The following MAGI2 variants were observed in gnomAD, a reference collection of about 807,000 sequenced individuals.
The protein encoded by MAGI2 is membrane-associated guanylate kinase, WW and PDZ domain-containing protein 2.
Under a neutral mutation model 133.3 loss-of-function variants are expected in MAGI2, and 35 were observed. That is an observed-to-expected ratio of 0.26 (90% CI 0.20 to 0.35). MAGI2 has a LOEUF of 0.35. Among genes scored for constraint, MAGI2 ranks in the 10% least tolerant of loss-of-function variants. The pLI, the probability that MAGI2 is intolerant of heterozygous loss-of-function variation, is 1.00. For missense variants in MAGI2, 1,636 were observed against 1,863.4 expected, an observed-to-expected ratio of 0.88 and a Z score of 2.25; for synonymous variants, 729 against 710.6, an observed-to-expected ratio of 1.03 and a Z score of -0.41.
intron 9 of MAGI2, among the ~76,000 whole-genome samples, chr7:78,290,889 G>A (rs569606648): frequency 1.7e-4 from 26 of 152,300 alleles, no homozygotes; most frequent in East Asian, 9.6e-4. Flanking sequence ...TGAAACCAAT[G>A]AGAACAAAGA....
chr7:78,460,460 T>C (rs1018463806), intron 6 of MAGI2, among the ~76,000 whole-genome samples: 1 of 152,184 alleles, frequency 6.6e-6, no homozygotes, highest in African/African-American at 2.4e-5. Context: ...TGTGGCAAAA[T>C]ATTGCCATTT....
intron 1 of MAGI2, chr7:79,030,347 A>T (rs1349060651): frequency 6.6e-6 from 1 of 152,208 alleles, no homozygotes; most frequent in Non-Finnish European, 1.5e-5. Flanking sequence ...CATAAAATAA[A>T]ACAAACAAAC....
intron 2 of MAGI2, among the ~76,000 whole-genome samples, chr7:78,656,620 A>G (rs1812309510): frequency 6.6e-6 from 1 of 152,208 alleles, no homozygotes; most frequent in East Asian, 1.9e-4. Flanking sequence ...GTACAGCATG[A>G]GAACTAATTT....
At chr7:79,212,035 G>A (rs1163064817) in intron 1 of MAGI2, among the ~76,000 whole-genome samples, 3 of 151,962 alleles carry the variant, frequency 2.0e-5, no homozygotes, top group African/African-American at 7.3e-5. Flanking sequence ...AAACTCTCTG[G>A]ACTTCTTCCA....
At chr7:78,076,646 A>G (rs13240059) in intron 21 of MAGI2, among the ~76,000 whole-genome samples, 1 of 150,446 alleles carries the variant, frequency 6.6e-6, no homozygotes, top group Non-Finnish European at 1.5e-5. Flanking sequence ...GGAGATCGAG[A>G]CCATCCTGGC....
At chr7:78,776,150 T>A (rs534822860) in intron 2 of MAGI2, among the ~76,000 whole-genome samples, 1 of 152,370 alleles carries the variant, frequency 6.6e-6, no homozygotes, top group East Asian at 1.9e-4. Context: ...AACTATTATG[T>A]TCTCATTAAG....
At chr7:78,737,999 A>G (rs1267363368) in intron 2 of MAGI2, among the ~76,000 whole-genome samples, 4 of 152,152 alleles carry the variant, frequency 2.6e-5, no homozygotes, top group South Asian at 2.1e-4. Flanking sequence ...ACATTTCATT[A>G]CAAATAAATT....
intron 6 of MAGI2, among the ~76,000 whole-genome samples, chr7:78,465,229 G>T (rs1175263614): frequency 6.6e-6 from 1 of 152,190 alleles, no homozygotes; most frequent in Non-Finnish European, 1.5e-5. Context: ...ACTGATATGA[G>T]CAGGTGTCTG....
intron 1 of MAGI2, among the ~76,000 whole-genome samples, chr7:79,308,245 G>A (rs1292680975): frequency 1.3e-5 from 2 of 152,078 alleles, no homozygotes; most frequent in Non-Finnish European, 2.9e-5. Flanking sequence ...AAATATTGAC[G>A]TTGCCAACAC....
At chr7:79,400,740 T>C (rs1460444180) in intron 1 of MAGI2, among the ~76,000 whole-genome samples, 1 of 152,176 alleles carries the variant, frequency 6.6e-6, no homozygotes, top group Non-Finnish European at 1.5e-5. Context: ...TGAACTATAG[T>C]GTACATACTA....
intron 5 of MAGI2, among the ~76,000 whole-genome samples, chr7:78,493,529 G>T (rs1004113854): frequency 6.6e-6 from 1 of 152,128 alleles, no homozygotes; most frequent in Non-Finnish European, 1.5e-5. Context: ...ACCCAGGTTG[G>T]GGGAAGGTGG....
intron 21 of MAGI2, among the ~76,000 whole-genome samples, chr7:78,030,098 G>A (rs1220225024): frequency 1.3e-5 from 2 of 152,032 alleles, no homozygotes; most frequent in Non-Finnish European, 2.9e-5. Flanking sequence ...TCTGCCCCTT[G>A]GTGTGAACTT....
chr7:78,249,762 G>T (rs527718241), intron 10 of MAGI2, among the ~76,000 whole-genome samples: 88 of 152,110 alleles, frequency 5.8e-4, no homozygotes, highest in Admixed American at 9.8e-4. Context: ...TTACTGTTAG[G>T]AGAAAATAGT....
intron 1 of MAGI2, among the ~76,000 whole-genome samples, chr7:79,061,198 G>A (rs1813694532): frequency 6.6e-6 from 1 of 151,932 alleles, no homozygotes; most frequent in African/African-American, 2.4e-5. Context: ...AGATGTTCCT[G>A]AGCATGATAC....
In MAGI2 at chr7:78,816,201, A is replaced by G. The variant is rs574502362; in HGVS notation, c.419-188962T>C. Among the ~76,000 whole-genome samples, 55 of 151,746 alleles carry G rather than the reference A, an allele frequency of 3.6e-4. 1 individual carries two copies. The highest frequency in any genetic ancestry group is 3.6e-3 in the Admixed American group (55 of 15,290). On this transcript the variant is annotated intron_variant, in intron 2 of 21. Coordinates refer to ENST00000354212, the MANE Select transcript of MAGI2 (RefSeq NM_012301.4). ...AAGCCTAATCCAGAGCAAAACTCTAACTCTCTTCAATTCTATGAAGGTTAA... is the reference window on the plus strand; with the variant it reads ...AAGCCTAATCCAGAGCAAAACTCTAGCTCTCTTCAATTCTATGAAGGTTAA...
intron 1 of MAGI2, among the ~76,000 whole-genome samples, chr7:79,194,563 T>C (rs988224850): frequency 6.6e-6 from 1 of 151,984 alleles, no homozygotes; most frequent in Non-Finnish European, 1.5e-5. Flanking sequence ...TCTTCTACTA[T>C]AGATGTTAAA....
At chr7:79,370,423 T>A (rs1037131883) in intron 1 of MAGI2, among the ~76,000 whole-genome samples, 18 of 152,188 alleles carry the variant, frequency 1.2e-4, no homozygotes, top group African/African-American at 4.3e-4. Context: ...ATCTAATTCC[T>A]CTTAGCACAA....
intron 1 of MAGI2, among the ~76,000 whole-genome samples, chr7:79,362,172 C>G (rs1228644288): frequency 6.6e-6 from 1 of 151,784 alleles, no homozygotes; most frequent in South Asian, 2.1e-4. Context: ...TTTCACAACA[C>G]TGACAAAAAT....
rs148307911 is a variant in MAGI2, at chr7:78,179,596, G to A, written c.2312-1494C>T. 3.2e-3 allele frequency among the ~76,000 whole-genome samples: 489 copies of A among 152,322 alleles called. 2 individuals are homozygous for A. The highest frequency in any genetic ancestry group is 0.017 in the Middle Eastern group (5 of 294). ...TTAAGTACATATGTTTATATGCATT[G>A]TACAAGATTCAATGAGCATTCATAC... On this transcript the variant is annotated intron_variant, in intron 13 of 21. Transcript: ENST00000354212.
Sources: gnomAD v4.1 joint callset for allele counts (sites outside exome capture counted in the v4.1 genomes callset) on GRCh38, gnomAD v4.1.1 for gene constraint, MANE v1.5 for transcripts, NCBI Gene and HGNC (gene_info 2026-07-23, HGNC 2026-07-21) for gene names.